Variants in AMZ2 observed in about 807,000 individuals in gnomAD.
AMZ2 encodes archaemetzincin-2.
A neutral mutation model predicts 36.7 loss-of-function variants in AMZ2; 26 were observed. The ratio of observed to expected loss-of-function variants is 0.71; its 90% confidence interval spans 0.52 to 0.98. AMZ2 has a LOEUF of 0.98. Among genes scored for constraint, AMZ2 ranks in the 50% least tolerant of loss-of-function variants. The probability of loss-of-function intolerance (pLI) is 0.00; values close to 1 mark genes in which losing one functional copy is unlikely to be tolerated. For synonymous variants in AMZ2, 144 were observed against 149.1 expected, an observed-to-expected ratio of 0.97 and a Z score of 0.25; for missense variants, 394 against 430.5, an observed-to-expected ratio of 0.92 and a Z score of 0.75.
chr17:68,248,681 A>G lies in AMZ2; in HGVS notation c.-25A>G, dbSNP rs1441285940. 1 of 986,146 alleles carries G rather than the reference A, an allele frequency of 1.0e-6. No individual in the cohort carries two copies. The highest frequency in any genetic ancestry group is 1.2e-6 in the Non-Finnish European group (1 of 830,326). The allele number at this position is 986,146 out of a possible 1,614,324, so 61.1% of individuals were successfully genotyped here. A position where few individuals can be genotyped will look rare whatever the true frequency, so the allele number is the denominator to read the frequency against. ...CCGTCCTTGTAAGTTAAAAGCTTCC[A>G]TGGGAGCCTTCCTTCCTAATCAAGG... On this transcript the variant is annotated 5_prime_UTR_variant, in exon 1 of 7. It removes an upstream start codon present in the reference 5' UTR. Transcript: ENST00000359904.
At chr17:68,216,887 G>T (rs1450690814) in intron 1 of AMZ2, among the ~76,000 whole-genome samples, 22 of 152,082 alleles carry the variant, frequency 1.4e-4, no homozygotes, top group African/African-American at 5.3e-4. Context: ...AAAAAAATTA[G>T]CCAGGCGTGG....
chr17:68,256,668 T>C, intron 6 of AMZ2, 146 bp from the exon 7 acceptor site: 1 of 733,482 alleles, frequency 1.4e-6, no homozygotes, highest in Non-Finnish European at 2.1e-6. Flanking sequence ...ATCATTAGCA[T>C]TATTTCATAT....
chr17:68,248,046 G>A lies in AMZ2; in HGVS notation c.-660G>A, dbSNP rs1451267960. 2.6e-5 allele frequency: 26 copies of A among 986,378 alleles called. No individual in the cohort carries two copies. The African/African-American group carries it at 4.4e-4, about 17-fold the overall frequency. The allele number at this position is 986,378 out of a possible 1,614,324, so 61.1% of individuals were successfully genotyped here. ...GCCAGTGGGCGTGGCGTGGCGCAGT[G>A]CGAAGGGACGCGGTGCGCATGCGCG... On this transcript the variant is annotated 5_prime_UTR_variant, in exon 1 of 7. Transcript: ENST00000359904.
chr17:68,254,940 G>T (rs1435180129), intron 5 of AMZ2, among the ~76,000 whole-genome samples: 1 of 152,186 alleles, frequency 6.6e-6, no homozygotes, highest in Non-Finnish European at 1.5e-5. Context: ...GGGAGCCTGG[G>T]CCTTCCTGCC....
At position 68,248,250 on chromosome 17, in the gene AMZ2, G is replaced by T. The variant is rs1205413009; in HGVS notation, c.-456G>T. The T allele has an allele frequency of 8.1e-6, 8 of 985,954 alleles. No homozygotes were observed. In the African/African-American group the frequency reaches 1.4e-4, roughly 17 times the overall value. The allele number at this position is 985,954 out of a possible 1,614,324, so 61.1% of individuals were successfully genotyped here. On this transcript the variant is annotated 5_prime_UTR_variant, in exon 1 of 7. Transcript: ENST00000359904. Reference sequence around the variant, plus strand: ...GGGCGGACGTGGCGGAAGCCGCGGGGTCCGCGGGGTCGGTGCCTCTAGGGA... The same window carrying T: ...GGGCGGACGTGGCGGAAGCCGCGGGTTCCGCGGGGTCGGTGCCTCTAGGGA...
chr17:68,250,859 G>A lies in AMZ2; in HGVS notation c.349G>A (p.Ala117Thr), dbSNP rs1555739189. 1 of 1,609,174 alleles carries A rather than the reference G, an allele frequency of 6.2e-7. No individual in the cohort carries two copies. The highest frequency in any genetic ancestry group is 8.5e-7 in the Non-Finnish European group (1 of 1,178,816). The change falls in exon 3 of 7, where the codon GCA (alanine) becomes ACA (threonine). Residue 117 changes from alanine (A) to threonine (T), a missense_variant. Transcript: ENST00000359904. ...TAAATGGCTCACGGGCTACTGTAAA[G>A]CATATTTCTATGGCTTGAGAGTAAA... is the stretch of plus-strand genomic sequence containing the variant. The part of the protein sequence containing the change: ...YIKWLTGYCK[A>T]YFYGLRVKLL...
chr17:68,216,894 G>T (rs541904850), intron 1 of AMZ2, among the ~76,000 whole-genome samples: 1 of 152,048 alleles, frequency 6.6e-6, no homozygotes, highest in African/African-American at 2.4e-5. Context: ...TTAGCCAGGC[G>T]TGGTGGCACG....
upstream of AMZ2, chr17:68,247,418 T>TA (rs2074074938): frequency 1.4e-5 from 2 of 144,668 alleles, no homozygotes; most frequent in African/African-American, 5.3e-5. Context: ...CACCAGAGGG[T>TA]ACAGAGCTAG....
At chr17:68,212,722 C>G (rs1415307473) in intron 1 of AMZ2, among the ~76,000 whole-genome samples, 3 of 152,006 alleles carry the variant, frequency 2.0e-5, no homozygotes, top group Non-Finnish European at 2.9e-5. Flanking sequence ...GTGCACACCA[C>G]CACACCTGGC....
chr17:68,218,290 G>C (rs73997703), intron 1 of AMZ2, among the ~76,000 whole-genome samples: 1,598 of 152,244 alleles, frequency 0.01, 26 homozygotes, highest in African/African-American at 0.037. Flanking sequence ...GAAATGGGCA[G>C]ATAAGATTAG....
At chr17:68,255,898 C>T (rs1568387111) in intron 6 of AMZ2, 22 bp downstream of exon 6, 5 of 1,610,162 alleles carry the variant, frequency 3.1e-6, no homozygotes, top group Non-Finnish European at 3.4e-6. Flanking sequence ...GGTGGACAGT[C>T]TAAAGAGGGG....
At chr17:68,210,663 G>A (rs1186965015) in intron 1 of AMZ2, among the ~76,000 whole-genome samples, 5 of 152,050 alleles carry the variant, frequency 3.3e-5, no homozygotes, top group African/African-American at 1.2e-4. Flanking sequence ...AATGGTTAGA[G>A]ACAACCAGGT....
intron 1 of AMZ2, among the ~76,000 whole-genome samples, chr17:68,211,512 A>G (rs1555725903): frequency 6.6e-6 from 1 of 151,552 alleles, no homozygotes; most frequent in Non-Finnish European, 1.5e-5. Context: ...TAAAAAAAAA[A>G]AAAAGAAAAA....
intron 4 of AMZ2, among the ~76,000 whole-genome samples, chr17:68,252,355 G>GC (rs113898630): frequency 0.014 from 2,097 of 152,234 alleles, 43 homozygotes; most frequent in African/African-American, 0.047. Flanking sequence ...GTTTCTTGTG[G>GC]CCCCCATGGC....
intron 4 of AMZ2, among the ~76,000 whole-genome samples, chr17:68,252,363 G>C (rs1447975048): frequency 1.3e-5 from 2 of 152,160 alleles, no homozygotes; most frequent in Admixed American, 6.5e-5. Context: ...TGGCCCCCAT[G>C]GCCCTACCAG....
intron 1 of AMZ2, among the ~76,000 whole-genome samples, chr17:68,230,059 G>GT (rs1411303740): frequency 7.2e-5 from 11 of 151,848 alleles, no homozygotes; most frequent in East Asian, 1.9e-4. Context: ...TCCCTGTCCT[G>GT]TTTTTTTTGT....
chr17:68,220,759 A>T (rs1420910233), intron 1 of AMZ2, among the ~76,000 whole-genome samples: 1 of 149,140 alleles, frequency 6.7e-6, no homozygotes, highest in Non-Finnish European at 1.5e-5. Flanking sequence ...GCAATCAGGG[A>T]CACTTTTTTT....
intron 1 of AMZ2, among the ~76,000 whole-genome samples, chr17:68,217,859 C>T (rs1247822617): frequency 6.9e-6 from 1 of 144,856 alleles, no homozygotes; most frequent in Non-Finnish European, 1.5e-5. Context: ...GTCGCCCAGG[C>T]TGGAGTACAG....
At chr17:68,218,255 T>C (rs1249760447) in intron 1 of AMZ2, among the ~76,000 whole-genome samples, 1 of 152,236 alleles carries the variant, frequency 6.6e-6, no homozygotes, top group East Asian at 1.9e-4. Context: ...CAATCTTTGC[T>C]CTGAAATTAG....
Sources: gnomAD v4.1 joint callset for allele counts (sites outside exome capture counted in the v4.1 genomes callset) on GRCh38, gnomAD v4.1.1 for gene constraint, MANE v1.5 for transcripts, NCBI Gene and HGNC (gene_info 2026-07-23, HGNC 2026-07-21) for gene names.